The following RBFOX1 variants were observed in gnomAD, a reference collection of about 807,000 sequenced individuals.
RBFOX1 encodes RNA binding fox-1 homolog 1.
A neutral mutation model predicts 57.7 loss-of-function variants in RBFOX1; 8 were observed. The ratio of observed to expected loss-of-function variants is 0.14; its 90% CI spans 0.08 to 0.25. The LOEUF is 0.25. Ranked by LOEUF, RBFOX1 falls within the 10% of genes least tolerant of loss-of-function variation. The pLI is 1.00. For missense variants in RBFOX1, 611 were observed against 548.5 expected (o/e 1.11, Z -1.14); for synonymous variants, 326 against 222.4 (o/e 1.47, Z -4.15).
intron 2 of RBFOX1, among the ~76,000 whole-genome samples, chr16:6,422,481 A>G (rs802314): frequency 0.61 from 92,985 of 151,794 alleles, 29,398 homozygotes; most frequent in African/African-American, 0.79. Context: ...GTCCATTCTC[A>G]CACTGCTATA....
intron 2 of RBFOX1, among the ~76,000 whole-genome samples, chr16:6,623,732 A>G (rs1025407387): frequency 9.2e-5 from 14 of 152,150 alleles, no homozygotes; most frequent in African/African-American, 3.4e-4. Context: ...GCTGAGAATG[A>G]TGGTTTCCAG....
intron 1 of RBFOX1, among the ~76,000 whole-genome samples, chr16:6,207,409 T>A (rs1295076677): frequency 1.3e-5 from 2 of 152,130 alleles, no homozygotes; most frequent in Admixed American, 1.3e-4. Flanking sequence ...AACGACAAGA[T>A]TAGGAAGAGG....
rs559169635 is a variant in RBFOX1, at chr16:6,347,489, A to G, written c.-64+30432A>G. ...AAATGCAATAGTTGCTGTGAAAAGA[A>G]TGTTCTTCACTATGACAGTGTAGTG... On this transcript the variant is annotated intron_variant, in intron 2 of 15. Coordinates refer to ENST00000550418, the MANE Select transcript of RBFOX1 (RefSeq NM_018723.4). 5.3e-5 allele frequency among the ~76,000 whole-genome samples: 8 copies of G among 152,228 alleles called. No individual in the cohort carries two copies. The South Asian group carries it at 1.7e-3, about 32-fold the overall frequency.
chr16:6,939,506 C>CT (rs796218936), intron 3 of RBFOX1, among the ~76,000 whole-genome samples: 67 of 112,882 alleles, frequency 5.9e-4, no homozygotes, highest in Admixed American at 8.1e-4. Context: ...ATTTTTCTTT[C>CT]TTTTTTTTTT....
intron 3 of RBFOX1, among the ~76,000 whole-genome samples, chr16:5,797,224 T>G (rs1337013925): frequency 6.6e-6 from 1 of 152,172 alleles, no homozygotes; most frequent in African/African-American, 2.4e-5. Context: ...ATCACTATTC[T>G]TTACCTTTTG....
chr16:7,617,984 C>A (rs1568121869), intron 10 of RBFOX1, among the ~76,000 whole-genome samples: 1 of 136,498 alleles, frequency 7.3e-6, no homozygotes, highest in Non-Finnish European at 1.6e-5. Context: ...CAACCTTTAT[C>A]TTTAGAATCC....
chr16:5,750,419 C>T (rs1034682780), intron 3 of RBFOX1, among the ~76,000 whole-genome samples: 3 of 152,226 alleles, frequency 2.0e-5, no homozygotes, highest in Non-Finnish European at 4.4e-5. Context: ...TTTAAGTCTG[C>T]AGAGGTTTCT....
intron 3 of RBFOX1, among the ~76,000 whole-genome samples, chr16:7,039,112 G>A (rs755836290): frequency 1.1e-4 from 17 of 152,148 alleles, no homozygotes; most frequent in Non-Finnish European, 2.1e-4. Flanking sequence ...TCATTCGAGT[G>A]CTAAGAATAC....
At chr16:7,184,360 C>A (rs754413154) in intron 4 of RBFOX1, among the ~76,000 whole-genome samples, 8 of 152,122 alleles carry the variant, frequency 5.3e-5, no homozygotes, top group Non-Finnish European at 1.2e-4. Flanking sequence ...GAGAAAAAAA[C>A]AGATGCAAGT....
At position 6,746,860 on chromosome 16, in the gene RBFOX1, T is replaced by G. The variant is rs913835874; in HGVS notation, c.-16+92210T>G. On this transcript the variant is annotated intron_variant, in intron 3 of 15. Transcript: ENST00000550418. ...GTGAGATTTTATTAAGCATAACAAC[T>G]CAAATGTTGATGTCCAGTTCATAGA... Among the ~76,000 whole-genome samples, 3 of 152,112 alleles carry G rather than the reference T, an allele frequency of 2.0e-5. No homozygotes were observed. In the East Asian group the frequency reaches 5.8e-4, roughly 29 times the overall value.
chr16:5,890,760 C>A (rs1484240338), intron 4 of RBFOX1, among the ~76,000 whole-genome samples: 2 of 145,892 alleles, frequency 1.4e-5, no homozygotes, highest in Admixed American at 6.9e-5. Context: ...CTGTCTTATA[C>A]TGGAGCCTGG....
At chr16:6,690,599 T>C (rs2060064896) in intron 3 of RBFOX1, among the ~76,000 whole-genome samples, 1 of 152,122 alleles carries the variant, frequency 6.6e-6, no homozygotes, top group South Asian at 2.1e-4. Flanking sequence ...TATCATTATT[T>C]AGTAAGACCA....
intron 2 of RBFOX1, among the ~76,000 whole-genome samples, chr16:6,595,028 C>T (rs932324500): frequency 1.3e-5 from 2 of 152,246 alleles, no homozygotes; most frequent in South Asian, 2.1e-4. Flanking sequence ...AGCTCGTTAT[C>T]CACCCGCCTC....
rs541562043 is a variant in RBFOX1 at position 5,249,844 on chromosome 16, A to G, written c.219+9739A>G. On this transcript the variant is annotated intron_variant, in intron 1 of 2. Coordinates refer to the RBFOX1 transcript ENST00000585867. Reference sequence around the variant, plus strand: ...CTTGGTGGTGCCCACCTGTAATCCTAGTTATTTGGGAGGCTGAGGCAAGAG... The same window carrying G: ...CTTGGTGGTGCCCACCTGTAATCCTGGTTATTTGGGAGGCTGAGGCAAGAG... Among the ~76,000 whole-genome samples the G allele has an allele frequency of 4.6e-5, 7 of 152,318 alleles. 1 individual carries two copies. The South Asian group carries it at 1.4e-3, about 32-fold the overall frequency.
In RBFOX1 at chr16:7,460,389, A is replaced by ATATATATGTG; in HGVS notation, c.28-57757_28-57756insATATATGTGT. On this transcript the variant is annotated intron_variant, in intron 4 of 15. Transcript: ENST00000550418. ...TAGCAAAATATATATATATATATAT[A>ATATATATGTG]TGTGTGTGTGTGTGTGTGTGTGTGT... Among the ~76,000 whole-genome samples the ATATATATGTG allele has an allele frequency of 2.0e-3, 173 of 87,198 alleles. 3 individuals carry two copies. The highest frequency in any genetic ancestry group is 0.011 in the African/African-American group (163 of 15,356). 57.2% of individuals were successfully genotyped at this position (87,198 alleles called of 152,430 possible).
intron 3 of RBFOX1, among the ~76,000 whole-genome samples, chr16:6,916,648 G>T (rs1029140194): frequency 6.6e-6 from 1 of 152,036 alleles, no homozygotes; most frequent in Non-Finnish European, 1.5e-5. Context: ...TTTCTGGATG[G>T]TCATCACGAC....
chr16:6,642,499 C>G (rs1009782257), intron 2 of RBFOX1, among the ~76,000 whole-genome samples: 4 of 152,090 alleles, frequency 2.6e-5, no homozygotes, highest in Non-Finnish European at 5.9e-5. Flanking sequence ...GCCAGCAACC[C>G]TCGAGTTACC....
intron 4 of RBFOX1, among the ~76,000 whole-genome samples, chr16:7,141,538 A>ATTTTAT (rs960490083): frequency 3.9e-5 from 6 of 152,108 alleles, no homozygotes; most frequent in East Asian, 1.9e-4. Context: ...GATCATTGTT[A>ATTTTAT]TTTTATTTTT....
intron 3 of RBFOX1, among the ~76,000 whole-genome samples, chr16:6,977,012 A>T (rs899758849): frequency 1.4e-5 from 2 of 147,078 alleles, no homozygotes; most frequent in African/African-American, 4.9e-5. Context: ...ATTGTATATC[A>T]TATGTATCAT....
Sources: allele counts gnomAD v4.1 joint callset (sites outside exome capture counted in the v4.1 genomes callset), GRCh38; gene constraint gnomAD v4.1.1; transcripts MANE v1.5; gene names NCBI Gene and HGNC (gene_info 2026-07-23, HGNC 2026-07-21).